Variants in BCAT1 observed in about 807,000 individuals in gnomAD.
The protein encoded by BCAT1 is branched chain amino acid transaminase 1, also known as branched-chain-amino-acid aminotransferase, cytosolic.
BCAT1 carries 48 observed loss-of-function variants against 52.4 expected under a neutral mutation model. The ratio of observed to expected loss-of-function variants is 0.92; its 90% CI spans 0.73 to 1.16. The LOEUF (loss-of-function observed/expected upper bound fraction) is 1.16. Among genes scored for constraint, BCAT1 ranks in the 50% most tolerant of loss-of-function variants. BCAT1 has a pLI of 0.00. For synonymous variants in BCAT1, 167 were observed against 161.3 expected, an observed-to-expected ratio of 1.04 and a Z score of -0.27; for missense variants, 451 against 457.1, an observed-to-expected ratio of 0.99 and a Z score of 0.12.
At chr12:24,942,907 GAACA>G (rs371991376) in intron 1 of BCAT1, among the ~76,000 whole-genome samples, 5 of 152,304 alleles carry the variant, frequency 3.3e-5, no homozygotes, top group East Asian at 3.9e-4. Context: ...TATGTGCTGT[GAACA>G]AACAAACCAT....
At chr12:24,869,162 AT>A (rs750683313) in intron 5 of BCAT1, among the ~76,000 whole-genome samples, 5 of 152,228 alleles carry the variant, frequency 3.3e-5, no homozygotes, top group South Asian at 4.1e-4. Context: ...TGGCAAAGAA[AT>A]GAAGCAAATA....
intron 10 of BCAT1, among the ~76,000 whole-genome samples, chr12:24,821,059 T>A (rs1353782693): frequency 6.6e-6 from 1 of 152,018 alleles, no homozygotes. Flanking sequence ...AGGGACTGAG[T>A]CACACGAGGG....
chr12:24,835,530 A>G (rs116546695), intron 8 of BCAT1, among the ~76,000 whole-genome samples: 1,526 of 151,734 alleles, frequency 0.01, 29 homozygotes, highest in African/African-American at 0.035. Flanking sequence ...CATTTCCAAA[A>G]CCAAACCTTT....
At chr12:24,888,970 T>C (rs11047689) in intron 3 of BCAT1, among the ~76,000 whole-genome samples, 27,805 of 151,992 alleles carry the variant, frequency 0.18, 2,602 homozygotes, top group Middle Eastern at 0.24. Flanking sequence ...ACTAGGAAAG[T>C]CCATTTGCAT....
intron 3 of BCAT1, 52 bp from the exon 4 acceptor site, chr12:24,881,463 G>T: frequency 1.7e-6 from 2 of 1,200,966 alleles, no homozygotes; most frequent in Non-Finnish European, 1.2e-6. Context: ...AAAACAACCC[G>T]TGTTCAAGAG....
chr12:24,891,941 T>C (rs1942854270), intron 3 of BCAT1, among the ~76,000 whole-genome samples: 1 of 150,064 alleles, frequency 6.7e-6, no homozygotes, highest in South Asian at 2.1e-4. Flanking sequence ...CTATTTTTAG[T>C]AGAGATGGGG....
At chr12:24,836,895 AAG>A (rs1491052651) in intron 7 of BCAT1, among the ~76,000 whole-genome samples, 1 of 58,752 alleles carries the variant, frequency 1.7e-5, no homozygotes, top group Admixed American at 2.1e-4. Flanking sequence ...GAAAGAAAGA[AAG>A]AAAAGAAAGA....
intron 5 of BCAT1, among the ~76,000 whole-genome samples, chr12:24,862,821 TA>T (rs10714031): frequency 0.042 from 6,193 of 146,902 alleles, 391 homozygotes; most frequent in African/African-American, 0.14. Context: ...TTTTCATTTG[TA>T]AAAAAAAAAA....
intron 5 of BCAT1, among the ~76,000 whole-genome samples, chr12:24,851,412 C>T (rs1482056099): frequency 6.6e-6 from 1 of 152,202 alleles, no homozygotes; most frequent in Admixed American, 6.5e-5. Context: ...ACCCACTGCT[C>T]AACACTCAGA....
intron 8 of BCAT1, among the ~76,000 whole-genome samples, chr12:24,835,882 C>T (rs1591790534): frequency 6.6e-6 from 1 of 152,232 alleles, no homozygotes; most frequent in African/African-American, 2.4e-5. Context: ...TGAACCACTG[C>T]ACCCGGTCCA....
At chr12:24,942,070 G>A (rs1000664624) in intron 1 of BCAT1, among the ~76,000 whole-genome samples, 3 of 152,136 alleles carry the variant, frequency 2.0e-5, no homozygotes. Context: ...GAATGACATC[G>A]AACAGCACAT....
intron 5 of BCAT1, among the ~76,000 whole-genome samples, chr12:24,864,383 A>C (rs936726256): frequency 6.6e-6 from 1 of 152,184 alleles, no homozygotes; most frequent in African/African-American, 2.4e-5. Flanking sequence ...CAACAACCCC[A>C]GCTGAGAAGA....
In BCAT1 at chr12:24,871,172, G is replaced by A. The variant is rs535934531; in HGVS notation, c.510+7358C>T. Reference sequence around the variant, plus strand: ...TCGCCAAGGAGACCAGGCCATTCCCGAAAAGTAGCAGTACCTTCTTGGGGT... The same window carrying A: ...TCGCCAAGGAGACCAGGCCATTCCCAAAAAGTAGCAGTACCTTCTTGGGGT... On this transcript the variant is annotated intron_variant, in intron 5 of 10. Transcript: ENST00000261192. Among the ~76,000 whole-genome samples, 17 of 152,288 alleles carry A rather than the reference G, an allele frequency of 1.1e-4. No individual in the cohort carries two copies. The East Asian group carries it at 2.1e-3, about 19-fold the overall frequency.
chr12:24,827,471 G>A (rs370986262), intron 10 of BCAT1, among the ~76,000 whole-genome samples: 26 of 152,280 alleles, frequency 1.7e-4, no homozygotes, highest in African/African-American at 6.3e-4. Flanking sequence ...CTGGAGAGCA[G>A]AAGTATGGCA....
chr12:24,935,427 C>T (rs557387606), intron 1 of BCAT1, among the ~76,000 whole-genome samples: 2 of 152,232 alleles, frequency 1.3e-5, no homozygotes, highest in South Asian at 2.1e-4. Flanking sequence ...ACTCATTCCT[C>T]TCTATTTTCC....
chr12:24,848,544 G>A (rs1448010957), intron 6 of BCAT1, among the ~76,000 whole-genome samples: 1 of 152,132 alleles, frequency 6.6e-6, no homozygotes, highest in African/African-American at 2.4e-5. Flanking sequence ...AAACAGGTCG[G>A]GGAGCTAGAA....
In BCAT1 at chr12:24,812,804, A is replaced by G. The variant is rs897504455; in HGVS notation, c.*5204T>C. 2 of 152,118 alleles carry G rather than the reference A, an allele frequency of 1.3e-5. No individual in the cohort carries two copies. Among genetic ancestry groups the G allele is most frequent in the African/African-American group, 4.8e-5 (2 of 41,558 alleles). 9.4% of individuals were successfully genotyped at this position (152,118 alleles called of 1,614,324 possible). A position where few individuals can be genotyped will look rare whatever the true frequency, so the allele number is the denominator to read the frequency against. On this transcript the variant is annotated 3_prime_UTR_variant, in exon 11 of 11. Coordinates refer to ENST00000261192, the MANE Select transcript of BCAT1 (RefSeq NM_005504.7). ...AGCAACAGGAAACCTAGCCATTGTGATAGTGGATATGTAGAGAAAAGCCAG... is the reference window on the plus strand; with the variant it reads ...AGCAACAGGAAACCTAGCCATTGTGGTAGTGGATATGTAGAGAAAAGCCAG...
chr12:24,903,736 C>T (rs1202160340), intron 1 of BCAT1: 1 of 152,006 alleles, frequency 6.6e-6, no homozygotes. Flanking sequence ...GATGTAGGCT[C>T]GTGATCGCAA....
At chr12:24,944,945 A>G (rs1943913198) in intron 1 of BCAT1, among the ~76,000 whole-genome samples, 1 of 152,206 alleles carries the variant, frequency 6.6e-6, no homozygotes, top group Admixed American at 6.5e-5. Flanking sequence ...CCCATTAATT[A>G]CTGAACACAA....
Sources: allele counts gnomAD v4.1 joint callset (sites outside exome capture counted in the v4.1 genomes callset), GRCh38; gene constraint gnomAD v4.1.1; transcripts MANE v1.5; gene names NCBI Gene and HGNC (gene_info 2026-07-23, HGNC 2026-07-21).